RNF216: variants seen among roughly 807,000 people sequenced by gnomAD.
RNF216 encodes ring finger protein 216, also known as E3 ubiquitin-protein ligase RNF216.
RNF216 carries 72 observed loss-of-function variants against 110.8 expected under a neutral mutation model. The ratio of observed to expected loss-of-function variants is 0.65; its 90% CI spans 0.54 to 0.79. The LOEUF is 0.79. Ranked by LOEUF, RNF216 falls within the 30% of genes least tolerant of loss-of-function variation. RNF216 has a pLI of 0.00. For synonymous variants in RNF216, 495 were observed against 407.5 expected (o/e 1.21, Z -2.59); for missense variants, 1,342 against 1,141.2 (o/e 1.18, Z -2.54).
intron 13 of RNF216, among the ~76,000 whole-genome samples, chr7:5,655,400 C>T (rs907452381): frequency 6.6e-6 from 1 of 152,218 alleles, no homozygotes; most frequent in Non-Finnish European, 1.5e-5. Flanking sequence ...ACATTAGAGA[C>T]CAGCCTGGCC....
intron 15 of RNF216, among the ~76,000 whole-genome samples, chr7:5,636,957 C>T (rs188344746): frequency 1.8e-4 from 28 of 152,136 alleles, no homozygotes; most frequent in Admixed American, 1.4e-3. Flanking sequence ...AGACACAGAA[C>T]GAGGAGGAGA....
chr7:5,710,647 G>A (rs1308832280), intron 13 of RNF216, among the ~76,000 whole-genome samples: 2 of 152,158 alleles, frequency 1.3e-5, no homozygotes, highest in Non-Finnish European at 2.9e-5. Flanking sequence ...CCCCTACTCA[G>A]CTTATGAGCC....
At chr7:5,779,005 A>C (rs1263832279) in intron 1 of RNF216, among the ~76,000 whole-genome samples, 3 of 152,212 alleles carry the variant, frequency 2.0e-5, no homozygotes, top group Admixed American at 1.3e-4. Context: ...CGGCCTCCCA[A>C]AGTGCTGGGA....
intron 15 of RNF216, among the ~76,000 whole-genome samples, chr7:5,634,835 T>C (rs756172246): frequency 7.9e-5 from 12 of 152,230 alleles, no homozygotes; most frequent in Non-Finnish European, 1.0e-4. Context: ...GCTGCCCTGC[T>C]TGGGAAAGCC....
intron 13 of RNF216, among the ~76,000 whole-genome samples, chr7:5,682,641 A>C (rs1052746006): frequency 6.6e-6 from 1 of 152,242 alleles, no homozygotes; most frequent in African/African-American, 2.4e-5. Flanking sequence ...TCCTGACCTC[A>C]AATGATCCAC....
chr7:5,728,880 T>C (rs1405481122), intron 7 of RNF216, among the ~76,000 whole-genome samples: 1 of 152,212 alleles, frequency 6.6e-6, no homozygotes, highest in Non-Finnish European at 1.5e-5. Context: ...GCAGGCACTG[T>C]GTGCTGTCCT....
intron 5 of RNF216, among the ~76,000 whole-genome samples, chr7:5,731,157 ACT>A (rs1205357827): frequency 2.0e-5 from 3 of 152,244 alleles, no homozygotes; most frequent in Non-Finnish European, 1.5e-5. Context: ...AAAAGCAGCT[ACT>A]CTTTGTCGAG....
At position 5,730,768 on chromosome 7, in the gene RNF216, T is replaced by C; in HGVS notation, c.1171A>G (p.Arg391Gly). The C allele has an allele frequency of 6.2e-7, 1 of 1,610,762 alleles. No individual in the cohort carries two copies. The highest frequency in any genetic ancestry group is 8.5e-7 in the Non-Finnish European group (1 of 1,178,084). The change falls in exon 6 of 17, where the codon AGA becomes GGA. Residue 391 changes from arginine (R) to glycine (G), a missense_variant. By Grantham distance (125) the Arg-to-Gly change is moderately radical. Transcript: ENST00000389902. ...ENPDYPKRED[R>G]IIINPSSSLL... ...CTGCTACTGGGATTTATAATGATTC[T>C]GTCTTCTCTCTTTGGATAATCTGGG...
chr7:5,687,268 C>T (rs1195836079), intron 13 of RNF216, among the ~76,000 whole-genome samples: 1 of 151,416 alleles, frequency 6.6e-6, no homozygotes, highest in Non-Finnish European at 1.5e-5. Context: ...TGGTGGCGGG[C>T]GCCTGTAATC....
chr7:5,723,418 C>T (rs373889912), intron 8 of RNF216, among the ~76,000 whole-genome samples: 15 of 152,094 alleles, frequency 9.9e-5, no homozygotes, highest in African/African-American at 2.7e-4. Flanking sequence ...GAGGCCGAGG[C>T]GGGCGGATCA....
At chr7:5,742,149 C>A (rs987777812) in intron 3 of RNF216, among the ~76,000 whole-genome samples, 4 of 152,162 alleles carry the variant, frequency 2.6e-5, no homozygotes, top group African/African-American at 7.2e-5. Flanking sequence ...CGGGCTCAAG[C>A]AACTCTTGTG....
At chr7:5,738,086 C>CAAAAA (rs1794533137) in intron 5 of RNF216, among the ~76,000 whole-genome samples, 1 of 14,496 alleles carries the variant, frequency 6.9e-5, no homozygotes, top group African/African-American at 4.3e-4. Context: ...AAGACTGTCT[C>CAAAAA]CAAAAAAAAA....
In RNF216 at chr7:5,772,775, CTT is replaced by C. The variant is rs34504327; in HGVS notation, c.-70+8764_-70+8765del. ...CATTGATAACTGAAAAAAGATATTCCTTTTTTTTTTTTTTTTTTTGAGACAGA... is the reference window on the plus strand; with the variant it reads ...CATTGATAACTGAAAAAAGATATTCCTTTTTTTTTTTTTTTTTGAGACAGA... On this transcript the variant is annotated intron_variant, in intron 1 of 16. Coordinates refer to ENST00000389902, the MANE Select transcript of RNF216 (RefSeq NM_207111.4). 1.3e-3 allele frequency among the ~76,000 whole-genome samples: 168 copies of C among 133,508 alleles called. 1 individual carries two copies. The highest frequency in any genetic ancestry group is 3.9e-3 in the African/African-American group (144 of 36,584). 87.6% of individuals were successfully genotyped at this position (133,508 alleles called of 152,430 possible). A position where few individuals can be genotyped will look rare whatever the true frequency, so the allele number is the denominator to read the frequency against.
intron 13 of RNF216, among the ~76,000 whole-genome samples, chr7:5,675,436 G>T (rs1481247051): frequency 6.6e-6 from 1 of 152,136 alleles, no homozygotes; most frequent in African/African-American, 2.4e-5. Flanking sequence ...CCAGGAGTTT[G>T]AGACAAGCCT....
chr7:5,673,983 C>G (rs1790100774), intron 13 of RNF216, among the ~76,000 whole-genome samples: 1 of 151,288 alleles, frequency 6.6e-6, no homozygotes, highest in African/African-American at 2.4e-5. Flanking sequence ...GCCTCAGCCT[C>G]TGAGTGGCTG....
chr7:5,681,955 C>T (rs1169792116), intron 13 of RNF216, among the ~76,000 whole-genome samples: 1 of 152,198 alleles, frequency 6.6e-6, no homozygotes, highest in Non-Finnish European at 1.5e-5. Flanking sequence ...AGATGACCAT[C>T]TCCCTGTGCC....
chr7:5,685,368 G>C (rs1457163475), intron 13 of RNF216, among the ~76,000 whole-genome samples: 2 of 152,176 alleles, frequency 1.3e-5, no homozygotes, highest in African/African-American at 4.8e-5. Context: ...TGCTCTGTTG[G>C]CCTGTGTTCT....
chr7:5,676,209 G>C (rs565971977), intron 13 of RNF216, among the ~76,000 whole-genome samples: 1 of 151,478 alleles, frequency 6.6e-6, no homozygotes, highest in East Asian at 1.9e-4. Context: ...ATAGGGTTTT[G>C]CCATGTTGGT....
Position 5,729,613 on chromosome 7 carries a change from G to A in RNF216, c.1225-17C>T. 6.2e-7 allele frequency: 1 copy of A among 1,609,106 alleles called. No individual in the cohort carries two copies. Among genetic ancestry groups the A allele is most frequent in the Non-Finnish European group, 8.5e-7 (1 of 1,175,784 alleles). ...TTTAGGCAACTGAAATGAGAGAGAAGCATAAAATCAGAGGCCAGGCAGTAC... is the reference window on the plus strand; with the variant it reads ...TTTAGGCAACTGAAATGAGAGAGAAACATAAAATCAGAGGCCAGGCAGTAC... On this transcript the variant is annotated splice_polypyrimidine_tract_variant and intron_variant, in intron 6 of 16. Coordinates refer to ENST00000389902, the MANE Select transcript of RNF216 (RefSeq NM_207111.4).
Sources: allele counts gnomAD v4.1 joint callset (sites outside exome capture counted in the v4.1 genomes callset), GRCh38; gene constraint gnomAD v4.1.1; transcripts MANE v1.5; gene names NCBI Gene and HGNC (gene_info 2026-07-23, HGNC 2026-07-21).